Variants in GAD2 observed in about 807,000 individuals in gnomAD.
GAD2 encodes 65 kDa glutamic acid decarboxylase.
In GAD2, 22 loss-of-function variants were observed where a neutral mutation model predicts 80.1. The observed-to-expected ratio is 0.27, with a 90% CI of 0.20 to 0.39. GAD2 has a LOEUF of 0.39. Among genes scored for constraint, GAD2 ranks in the 10% least tolerant of loss-of-function variants. The pLI is 1.00. For synonymous variants in GAD2, 274 were observed against 256.9 expected (o/e 1.07, Z -0.64); for missense variants, 624 against 738.4 (o/e 0.85, Z 1.80).
chr10:26,222,231 T>G (rs1386096462), intron 4 of GAD2, among the ~76,000 whole-genome samples: 1 of 152,098 alleles, frequency 6.6e-6, no homozygotes, highest in East Asian at 1.9e-4. Context: ...CAGGGTGAAT[T>G]GGCCTTCTGA....
intron 8 of GAD2, among the ~76,000 whole-genome samples, chr10:26,261,404 T>C (rs1845007525): frequency 1.3e-5 from 2 of 152,168 alleles, no homozygotes; most frequent in Admixed American, 1.3e-4. Context: ...GTAAAATGCC[T>C]TTGTAAAATG....
At chr10:26,225,067 A>G (rs1160835886) in intron 6 of GAD2, among the ~76,000 whole-genome samples, 1 of 152,208 alleles carries the variant, frequency 6.6e-6, no homozygotes, top group Non-Finnish European at 1.5e-5. Flanking sequence ...AGCAAGGTAT[A>G]TCTACTCAGT....
At chr10:26,221,902 G>C (rs1302326133) in intron 4 of GAD2, among the ~76,000 whole-genome samples, 1 of 152,204 alleles carries the variant, frequency 6.6e-6, no homozygotes, top group South Asian at 2.1e-4. Context: ...CCTGACCTAT[G>C]GGGGCAGGTC....
In GAD2 at chr10:26,301,728, A is replaced by G. The variant is rs907879618; in HGVS notation, c.*767A>G. The G allele has an allele frequency of 6.6e-6, 1 of 152,220 alleles. No individual in the cohort carries two copies. The highest frequency in any genetic ancestry group is 1.5e-5 in the Non-Finnish European group (1 of 68,030). The allele number at this position is 152,220 out of a possible 1,614,324, so 9.4% of individuals were successfully genotyped here. A position where few individuals can be genotyped will look rare whatever the true frequency, so the allele number is the denominator to read the frequency against. On this transcript the variant is annotated 3_prime_UTR_variant, in exon 16 of 16. Transcript: ENST00000376261. ...AGTATTTCAAGACAAACACAAAAGA[A>G]TACTGCGAGTTCTTTAAAATAATTG... is the stretch of plus-strand genomic sequence containing the variant.
At chr10:26,267,566 T>C (rs1030851385) in intron 8 of GAD2, among the ~76,000 whole-genome samples, 1 of 152,188 alleles carries the variant, frequency 6.6e-6, no homozygotes, top group African/African-American at 2.4e-5. Context: ...TCTAAGTCCA[T>C]AGTCTTTGCA....
intron 8 of GAD2, among the ~76,000 whole-genome samples, chr10:26,262,954 A>G (rs1340395648): frequency 6.6e-6 from 1 of 152,042 alleles, no homozygotes; most frequent in Admixed American, 6.6e-5. Context: ...TTGCCCATAC[A>G]TATACCTCCC....
In GAD2 at chr10:26,270,638, A is replaced by G; in HGVS notation, c.976-2A>G. The G allele has an allele frequency of 6.2e-7, 1 of 1,607,558 alleles. No homozygotes were observed. On this transcript the variant is annotated splice_acceptor_variant, in intron 9 of 15. Transcript: ENST00000376261. LOFTEE classifies it high-confidence loss of function. The stretch of plus-strand genomic sequence containing the variant: ...TGATTTGGGGCTTTCTCGTTCGCAC[A>G]GGGGTTTGTTCCTTTCCTCGTGAGT...
intron 11 of GAD2, among the ~76,000 whole-genome samples, chr10:26,275,796 G>A (rs1845194083): frequency 6.6e-6 from 1 of 152,186 alleles, no homozygotes; most frequent in Non-Finnish European, 1.5e-5. Flanking sequence ...GAAATCCGTA[G>A]TCAATTCTTG....
chr10:26,221,333 G>A (rs1844449283), intron 4 of GAD2, among the ~76,000 whole-genome samples: 1 of 152,234 alleles, frequency 6.6e-6, no homozygotes, highest in Admixed American at 6.5e-5. Flanking sequence ...AGAGAGGAGT[G>A]AAGGGCAGTG....
intron 8 of GAD2, among the ~76,000 whole-genome samples, chr10:26,268,345 G>A (rs1362711294): frequency 6.6e-6 from 1 of 152,038 alleles, no homozygotes; most frequent in Admixed American, 6.6e-5. Flanking sequence ...GCGGGCGCCT[G>A]TAGTCCCAGC....
chr10:26,276,353 C>T (rs1845207089), intron 11 of GAD2, among the ~76,000 whole-genome samples: 3 of 151,892 alleles, frequency 2.0e-5, no homozygotes, highest in African/African-American at 7.3e-5. Context: ...GAGCATGACT[C>T]TGTGCATTGT....
chr10:26,292,418 T>G (rs1453402935), intron 13 of GAD2, 47 bp from the exon 14 acceptor site: 5 of 1,426,110 alleles, frequency 3.5e-6, no homozygotes. Context: ...AATCGCTTCC[T>G]CCGCACTCTT....
At chr10:26,226,599 C>T (rs1036377805) in intron 6 of GAD2, among the ~76,000 whole-genome samples, 3 of 152,160 alleles carry the variant, frequency 2.0e-5, no homozygotes, top group African/African-American at 7.2e-5. Flanking sequence ...GAGCAACCAG[C>T]CTTGCTCCTG....
intron 13 of GAD2, among the ~76,000 whole-genome samples, chr10:26,291,530 C>T (rs1834214018): frequency 6.6e-6 from 1 of 152,210 alleles, no homozygotes; most frequent in Admixed American, 6.5e-5. Flanking sequence ...GCCCCCTTAG[C>T]TGAGATGATG....
rs1198578113 is a variant in GAD2 at position 26,219,171 on chromosome 10, A to C, written c.415A>C (p.Asn139His). Reference protein sequence around the residue: ...STKVIDFHYPNELLQEYNWEL... With the variant: ...STKVIDFHYPHELLQEYNWEL... ...CAAAGTGATTGATTTCCATTATCCT[A>C]ATGAGCTTCTCCAAGAATATAATTG... Residue 139 changes from asparagine to histidine, a missense_variant, in exon 4 of 16, where the codon AAT becomes CAT. Physicochemically the swap from Asn to His is moderately conservative, Grantham distance 68 (BLOSUM62 1). Transcript: ENST00000376261. 4 of 1,613,708 alleles carry C rather than the reference A, an allele frequency of 2.5e-6. No homozygotes were observed. In the African/African-American group the frequency reaches 5.3e-5, roughly 22 times the overall value.
At chr10:26,265,168 A>G (rs1304521415) in intron 8 of GAD2, among the ~76,000 whole-genome samples, 1 of 150,078 alleles carries the variant, frequency 6.7e-6, no homozygotes, top group Non-Finnish European at 1.5e-5. Context: ...TTTCCAGTCA[A>G]CTTAAGGGAG....
chr10:26,274,860 T>C (rs1845180090), intron 11 of GAD2, among the ~76,000 whole-genome samples: 1 of 152,184 alleles, frequency 6.6e-6, no homozygotes, highest in South Asian at 2.1e-4. Flanking sequence ...CTAAGGCCCA[T>C]GTCAGAAGGG....
intron 8 of GAD2, among the ~76,000 whole-genome samples, chr10:26,251,920 G>A (rs185944555): frequency 1.3e-5 from 2 of 152,332 alleles, no homozygotes; most frequent in East Asian, 3.9e-4. Flanking sequence ...AAGCCAAGGA[G>A]AAAGGTGTGG....
chr10:26,291,378 A>C (rs976767775), intron 13 of GAD2, among the ~76,000 whole-genome samples: 2 of 152,230 alleles, frequency 1.3e-5, no homozygotes, highest in Non-Finnish European at 2.9e-5. Context: ...TTGGGGAGGC[A>C]TCAGGAACCC....
Sources: gnomAD v4.1 joint callset for allele counts (sites outside exome capture counted in the v4.1 genomes callset) on GRCh38, gnomAD v4.1.1 for gene constraint, MANE v1.5 for transcripts, NCBI Gene and HGNC (gene_info 2026-07-23, HGNC 2026-07-21) for gene names.